RADX: variants seen among roughly 807,000 people sequenced by gnomAD.
The protein encoded by RADX is RPA1 related single stranded DNA binding protein, X-linked.
In RADX, 36 loss-of-function variants were observed where a neutral mutation model predicts 61.6. The ratio of observed to expected loss-of-function variants is 0.58; its 90% confidence interval spans 0.45 to 0.77. The LOEUF (loss-of-function observed/expected upper bound fraction) is 0.77, where lower values mean the gene tolerates loss of function less well. RADX is among the 30% of genes least tolerant of loss of function. The pLI, the probability that RADX is intolerant of heterozygous loss-of-function variation, is 0.00. For missense variants in RADX, 497 were observed against 651.1 expected, an observed-to-expected ratio of 0.76 and a Z score of 2.58; for synonymous variants, 272 against 237.9, an observed-to-expected ratio of 1.14 and a Z score of -1.32.
rs1456770975 is a variant in RADX, at chrX:106,678,614, T to C, written c.*356T>C. On this transcript the variant is annotated 3_prime_UTR_variant, in exon 14 of 14. Coordinates refer to ENST00000372548, the MANE Select transcript of RADX (RefSeq NM_018015.6). ...AGGCATCCTAACTTACAAGAGTAAC[T>C]TTCCATGGACATTTAACATCCTTCC... 8.4e-6 allele frequency: 1 copy of C among 119,537 alleles called. No individual in the cohort carries two copies. The highest frequency in any genetic ancestry group is 1.7e-5 in the Non-Finnish European group (1 of 58,048). 9.9% of individuals were successfully genotyped at this position (119,537 alleles called of 1,213,427 possible).
chrX:106,677,320 TCTACCCA>T (rs1193926226), intron 13 of RADX, among the ~76,000 whole-genome samples: 2 of 111,653 alleles, frequency 1.8e-5, no homozygotes, highest in Admixed American at 1.9e-4. Context: ...CACAGCACAC[TCTACCCA>T]CCGTGTAGCA....
At position 106,637,807 on chromosome X, in the gene RADX, A is replaced by G. The variant is rs1420133704; in HGVS notation, c.1456A>G (p.Ile486Val). Residue 486 changes from isoleucine to valine, a missense_variant, in exon 8 of 14, where the codon ATT (isoleucine) becomes GTT (valine). This residue lies in a region of RADX where 267 missense variants were observed against 306.9 expected (regional missense o/e 0.87). Coordinates refer to ENST00000372548, the MANE Select transcript of RADX (RefSeq NM_018015.6). ...GTATGATGCCAAGGTAAAAAACTTT[A>G]TTCAATGGATTAGAACAAAGTCTGA... ...YTYDAKVKNF[I>V]QWIRTKSDSG... 3.3e-6 allele frequency: 4 copies of G among 1,206,214 alleles called. No homozygotes were observed. Among genetic ancestry groups the G allele is most frequent in the Non-Finnish European group, 4.5e-6 (4 of 892,534 alleles).
At chrX:106,668,187 G>A (rs949394806) in intron 12 of RADX, among the ~76,000 whole-genome samples, 7 of 112,050 alleles carry the variant, frequency 6.2e-5, no homozygotes, top group African/African-American at 2.3e-4. Flanking sequence ...TTGATTTGCA[G>A]CTTAACGAGA....
intron 3 of RADX, among the ~76,000 whole-genome samples, chrX:106,630,057 T>C (rs1384745163): frequency 1.8e-5 from 2 of 112,105 alleles, no homozygotes; most frequent in Non-Finnish European, 3.8e-5. Context: ...GCATGGTGGC[T>C]CATGCCTGTA....
intron 1 of RADX, among the ~76,000 whole-genome samples, chrX:106,617,532 T>A (rs1036534430): frequency 8.9e-6 from 1 of 111,923 alleles, no homozygotes; most frequent in African/African-American, 3.2e-5. Context: ...TCTAAAAGGT[T>A]TTGCTTTAGA....
At chrX:106,652,996 A>C (rs1434223286) in intron 11 of RADX, among the ~76,000 whole-genome samples, 1 of 108,100 alleles carries the variant, frequency 9.3e-6, no homozygotes, top group Non-Finnish European at 1.9e-5. Flanking sequence ...AAAAAAAAAA[A>C]AAAAACCTGT....
intron 6 of RADX, among the ~76,000 whole-genome samples, chrX:106,634,894 A>G (rs1927324859): frequency 8.9e-6 from 1 of 112,412 alleles, no homozygotes; most frequent in South Asian, 3.7e-4. Context: ...AACTTTGCCA[A>G]GCACGCATAT....
chrX:106,676,604 C>T (rs1249068655), intron 13 of RADX, among the ~76,000 whole-genome samples: 4 of 112,225 alleles, frequency 3.6e-5, no homozygotes, highest in African/African-American at 6.5e-5. Context: ...TATTTTTATG[C>T]GTAGCCACTA....
At chrX:106,630,345 C>CAA (rs1172087905) in intron 3 of RADX, among the ~76,000 whole-genome samples, 8 of 80,403 alleles carry the variant, frequency 9.9e-5, no homozygotes, top group East Asian at 8.4e-4. Flanking sequence ...AACAAACAAA[C>CAA]AAAAAAAAAA....
At chrX:106,671,806 T>TCTTTCTATATA (rs199985247) in intron 13 of RADX, among the ~76,000 whole-genome samples, 11,903 of 111,523 alleles carry the variant, frequency 0.11, 1,621 homozygotes, top group African/African-American at 0.37. Context: ...ATATGTTTTT[T>TCTTTCTATATA]CTTTCTATGC....
chrX:106,628,816 G>T (rs1326954391), intron 3 of RADX, among the ~76,000 whole-genome samples: 1 of 110,275 alleles, frequency 9.1e-6, no homozygotes, highest in East Asian at 2.8e-4. Flanking sequence ...TGTATTTTTA[G>T]TAGAGACAGG....
intron 11 of RADX, 57 bp downstream of exon 11, chrX:106,648,443 A>G: frequency 1.2e-6 from 1 of 800,013 alleles, no homozygotes; most frequent in Non-Finnish European, 1.9e-6. Flanking sequence ...TTATTCTATG[A>G]AGATTACTAT....
intron 10 of RADX, among the ~76,000 whole-genome samples, chrX:106,644,408 T>C (rs958289085): frequency 2.0e-4 from 22 of 111,447 alleles, no homozygotes; most frequent in African/African-American, 6.5e-4. Context: ...GTTGTGGGTC[T>C]TTCATATATG....
chrX:106,635,322 T>G (rs1160466457), intron 6 of RADX, among the ~76,000 whole-genome samples: 1 of 111,691 alleles, frequency 9.0e-6, no homozygotes, highest in Non-Finnish European at 1.9e-5. Flanking sequence ...TTTCCTGGAT[T>G]TCATATAGCT....
chrX:106,625,001 C>T, intron 2 of RADX, 89 bp from the exon 3 acceptor site: 1 of 539,300 alleles, frequency 1.9e-6, no homozygotes, highest in Non-Finnish European at 2.8e-6. Context: ...TTTTCCATCA[C>T]TCTAAATGAT....
At chrX:106,671,126 A>G (rs1231064409) in intron 13 of RADX, among the ~76,000 whole-genome samples, 3 of 111,901 alleles carry the variant, frequency 2.7e-5, no homozygotes. Flanking sequence ...TGAACTCTTT[A>G]AGAAATGATT....
intron 10 of RADX, among the ~76,000 whole-genome samples, chrX:106,646,681 G>A (rs1438747808): frequency 9.0e-6 from 1 of 110,610 alleles, no homozygotes; most frequent in African/African-American, 3.3e-5. Flanking sequence ...AAATGAAAGG[G>A]GACATAGGAT....
In RADX at chrX:106,612,706, A is replaced by T. The variant is rs1469440817; in HGVS notation, c.626A>T (p.Glu209Val). The T allele has an allele frequency of 8.4e-7, 1 of 1,197,132 alleles. No individual in the cohort carries two copies. The highest frequency in any genetic ancestry group is 1.1e-6 in the Non-Finnish European group (1 of 890,218). ...GDIWLTDKQP[E>V]EHNFSDTKII... ...ATCTGGTTAACAGACAAGCAACCTGAGGAACACAACTTTAGCGGTAAGTGT... is the reference window on the plus strand; with the variant it reads ...ATCTGGTTAACAGACAAGCAACCTGTGGAACACAACTTTAGCGGTAAGTGT... The change falls in exon 1 of 14, where the codon GAG becomes GTG. Residue 209 changes from glutamate (E) to valine (V), a missense_variant. Glu to Val is a moderately radical substitution (Grantham distance 121). Transcript: ENST00000372548.
In RADX at chrX:106,615,619, G is replaced by A. The variant is rs182946771; in HGVS notation, c.643+2896G>A. On this transcript the variant is annotated intron_variant, in intron 1 of 13. Coordinates refer to ENST00000372548, the MANE Select transcript of RADX (RefSeq NM_018015.6). The stretch of plus-strand genomic sequence containing the variant: ...ATTCTTATTATACCACCTTGCAAAT[G>A]ATCTTCATAGAATCATAGCATTCTG... Among the ~76,000 whole-genome samples, 11 of 111,121 alleles carry A rather than the reference G, an allele frequency of 9.9e-5. No individual in the cohort carries two copies. In the East Asian group the frequency reaches 3.1e-3, roughly 31 times the overall value.
Sources: allele counts gnomAD v4.1 joint callset (sites outside exome capture counted in the v4.1 genomes callset), GRCh38; gene constraint gnomAD v4.1.1; regional missense constraint gnomAD v4.1.1; transcripts MANE v1.5; gene names NCBI Gene and HGNC (gene_info 2026-07-23, HGNC 2026-07-21).